The following PARP11 variants were observed in gnomAD, a reference collection of about 807,000 sequenced individuals.
PARP11 encodes the protein poly(ADP-ribose) polymerase family member 11.
A neutral mutation model predicts 42.9 loss-of-function variants in PARP11; 31 were observed. That is an observed-to-expected ratio of 0.72 (90% CI 0.54 to 0.98). PARP11 has a LOEUF of 0.98. Ranked by LOEUF, PARP11 falls within the 50% of genes least tolerant of loss-of-function variation. The pLI is 0.00. For synonymous variants in PARP11, 137 were observed against 127.3 expected (o/e 1.08, Z -0.51); for missense variants, 365 against 413.1 (o/e 0.88, Z 1.01).
At chr12:3,832,938 G>A (rs894847368) in intron 1 of PARP11, among the ~76,000 whole-genome samples, 6 of 152,182 alleles carry the variant, frequency 3.9e-5, no homozygotes, top group Non-Finnish European at 7.3e-5. Context: ...GAGCCTGTCC[G>A]TAATGTTATC....
At chr12:3,821,735 G>T in intron 6 of PARP11, 138 bp downstream of exon 6, 1 of 850,818 alleles carries the variant, frequency 1.2e-6, no homozygotes, top group Non-Finnish European at 1.8e-6. Context: ...ATGCTGAAGA[G>T]CCTTGAGACC....
At chr12:3,824,768 CCATT>C (rs1947481163) in intron 4 of PARP11, 1 of 190,812 alleles carries the variant, frequency 5.2e-6, no homozygotes, top group Non-Finnish European at 9.7e-6. Context: ...ATAACATCTT[CCATT>C]ATTATGTCTC....
intron 1 of PARP11, among the ~76,000 whole-genome samples, chr12:3,834,503 G>A (rs529089922): frequency 2.6e-5 from 4 of 151,748 alleles, no homozygotes; most frequent in Admixed American, 6.6e-5. Flanking sequence ...GTGTGGTGGC[G>A]TGCACCTGTA....
chr12:3,829,797 C>A, intron 2 of PARP11, 93 bp downstream of exon 2: 1 of 1,222,940 alleles, frequency 8.2e-7, no homozygotes, highest in South Asian at 1.7e-5. Flanking sequence ...GCTTTGACTT[C>A]AAGTTCTATA....
intron 1 of PARP11, among the ~76,000 whole-genome samples, chr12:3,865,951 A>G (rs1948382197): frequency 1.4e-5 from 2 of 146,694 alleles, no homozygotes; most frequent in African/African-American, 5.1e-5. Context: ...TTTCAGATTG[A>G]GTGCTTTTAG....
intron 1 of PARP11, chr12:3,872,735 G>T (rs2138148454): frequency 1.0e-6 from 1 of 985,296 alleles, no homozygotes; most frequent in Non-Finnish European, 1.2e-6. Flanking sequence ...TAAACCTGAG[G>T]CAAATGACTG....
intron 1 of PARP11, among the ~76,000 whole-genome samples, chr12:3,869,657 C>A (rs2138139921): frequency 1.3e-5 from 2 of 152,332 alleles, no homozygotes; most frequent in South Asian, 4.1e-4. Context: ...ATAAAAGTTA[C>A]TTTCACAGGG....
chr12:3,823,915 C>CA (rs58303768), intron 4 of PARP11, among the ~76,000 whole-genome samples: 2,243 of 114,030 alleles, frequency 0.02, 35 homozygotes, highest in East Asian at 0.045. Flanking sequence ...GACTCTGTCT[C>CA]AAAAAAAAAA....
At chr12:3,833,324 G>A (rs1345799895) in intron 1 of PARP11, among the ~76,000 whole-genome samples, 1 of 152,142 alleles carries the variant, frequency 6.6e-6, no homozygotes, top group Admixed American at 6.5e-5. Flanking sequence ...AGTAGGCCGG[G>A]CGTGGTAGCT....
At chr12:3,855,840 C>G (rs936893046) in intron 1 of PARP11, among the ~76,000 whole-genome samples, 1 of 152,118 alleles carries the variant, frequency 6.6e-6, no homozygotes, top group African/African-American at 2.4e-5. Context: ...CAAAAAGGAA[C>G]AAAGCTAGAG....
chr12:3,821,776 T>A, intron 6 of PARP11, 97 bp downstream of exon 6: 1 of 1,283,858 alleles, frequency 7.8e-7, no homozygotes, highest in Non-Finnish European at 1.1e-6. Flanking sequence ...AAAAACAGCA[T>A]GTCTACACCA....
intron 1 of PARP11, among the ~76,000 whole-genome samples, chr12:3,832,471 T>TC (rs1047255508): frequency 9.9e-5 from 15 of 152,244 alleles, no homozygotes; most frequent in African/African-American, 3.6e-4. Context: ...TGTCTCCTTT[T>TC]CACACATGGA....
chr12:3,850,256 G>C (rs1448681543), intron 1 of PARP11, among the ~76,000 whole-genome samples: 1 of 152,062 alleles, frequency 6.6e-6, no homozygotes, highest in East Asian at 1.9e-4. Context: ...AAAATGTATA[G>C]TTGGGTTGGT....
intron 1 of PARP11, among the ~76,000 whole-genome samples, chr12:3,831,756 G>C (rs1348230977): frequency 6.6e-6 from 1 of 152,058 alleles, no homozygotes; most frequent in Non-Finnish European, 1.5e-5. Flanking sequence ...TTCTGGTTTA[G>C]GACCCACTAT....
chr12:3,837,308 A>T (rs1164500221), intron 1 of PARP11, among the ~76,000 whole-genome samples: 1 of 152,174 alleles, frequency 6.6e-6, no homozygotes, highest in Non-Finnish European at 1.5e-5. Flanking sequence ...TCTAGTGCTT[A>T]AAAGGAGGCA....
chr12:3,871,725 A>T (rs1316064120), intron 1 of PARP11: 1 of 152,236 alleles, frequency 6.6e-6, no homozygotes, highest in African/African-American at 2.4e-5. Flanking sequence ...CCATAACAAC[A>T]GAAGAATACT....
At chr12:3,852,802 A>G (rs932860535) in intron 1 of PARP11, among the ~76,000 whole-genome samples, 1 of 152,214 alleles carries the variant, frequency 6.6e-6, no homozygotes. Flanking sequence ...ATACTCCTTG[A>G]GACGAGCAAC....
Position 3,823,644 on chromosome 12 carries a change from G to A in PARP11, c.345-1487C>T, listed in dbSNP as rs548377042. 8.5e-5 allele frequency among the ~76,000 whole-genome samples: 13 copies of A among 152,232 alleles called. 1 individual carries two copies. The highest frequency in any genetic ancestry group is 2.4e-4 in the African/African-American group (10 of 41,528). On this transcript the variant is annotated intron_variant, in intron 4 of 7. Transcript: ENST00000228820. ...TGCATTAAGAAAGCTGGCTGGGCGC[G>A]GTGGCTCATGCCTATAATCCCAACA...
rs1050461487 is a variant in PARP11, at chr12:3,840,543, T to C, written c.19-10525A>G. On this transcript the variant is annotated intron_variant, in intron 1 of 7. Transcript: ENST00000228820. This position sits in a 1 kb window ranked among gnomAD's most constrained non-coding sequence, Gnocchi z 4.4. ...AGCACAAAAATCTTAGCCGGACACC[T>C]TCACAGATCATAAGAAAACCTGATC... The C allele has an allele frequency of 5.4e-5, 87 of 1,601,678 alleles. No homozygotes were observed. Among genetic ancestry groups the C allele is most frequent in the Non-Finnish European group, 7.0e-5 (82 of 1,168,788 alleles).
Sources: allele counts gnomAD v4.1 joint callset (sites outside exome capture counted in the v4.1 genomes callset), GRCh38; gene constraint gnomAD v4.1.1; non-coding constraint Gnocchi (gnomAD v3.1); transcripts MANE v1.5; gene names NCBI Gene and HGNC (gene_info 2026-07-23, HGNC 2026-07-21).